The following WWP1 variants were observed in gnomAD, a reference collection of about 807,000 sequenced individuals.
WWP1 encodes NEDD4-like E3 ubiquitin-protein ligase WWP1.
WWP1 carries 49 observed loss-of-function variants against 130.6 expected under a neutral mutation model. That is an observed-to-expected ratio of 0.38 (90% CI 0.30 to 0.48). WWP1 has a LOEUF of 0.48. Among genes scored for constraint, WWP1 ranks in the 20% least tolerant of loss-of-function variants. The pLI, the probability that WWP1 is intolerant of heterozygous loss-of-function variation, is 0.99. For missense variants in WWP1, 809 were observed against 1,100.6 expected, an observed-to-expected ratio of 0.74 and a Z score of 3.75; for synonymous variants, 332 against 367.8, an observed-to-expected ratio of 0.90 and a Z score of 1.11.
intron 3 of WWP1, among the ~76,000 whole-genome samples, chr8:86,376,456 C>T (rs1824659721): frequency 6.6e-6 from 1 of 152,054 alleles, no homozygotes; most frequent in African/African-American, 2.4e-5. Flanking sequence ...GTAATCCCAG[C>T]TACTTGGGAG....
At chr8:86,442,558 A>G in intron 17 of WWP1, 61 bp from the exon 18 acceptor site, 1 of 1,430,942 alleles carries the variant, frequency 7.0e-7, no homozygotes, top group Non-Finnish European at 9.4e-7. Context: ...AATATATTTA[A>G]GATCTGTTTT....
At chr8:86,432,500 T>C (rs556426121) in intron 14 of WWP1, among the ~76,000 whole-genome samples, 1 of 149,352 alleles carries the variant, frequency 6.7e-6, no homozygotes, top group South Asian at 2.1e-4. Flanking sequence ...TTTATTTCTC[T>C]ACAAAATTAT....
intron 1 of WWP1, among the ~76,000 whole-genome samples, chr8:86,346,413 ACT>A (rs1423302319): frequency 2.6e-5 from 4 of 151,944 alleles, no homozygotes; most frequent in Admixed American, 6.6e-5. Flanking sequence ...ACAGAGCGAG[ACT>A]CTGTCTCAAA....
intron 10 of WWP1, among the ~76,000 whole-genome samples, chr8:86,427,249 A>G (rs925948965): frequency 6.6e-6 from 1 of 152,062 alleles, no homozygotes; most frequent in South Asian, 2.1e-4. Flanking sequence ...GTCTTTAGAA[A>G]TTATATTAGG....
At chr8:86,451,214 T>TAAAAAAAAAAAAAAAAAAAAAAAA (rs61141803) in intron 20 of WWP1, among the ~76,000 whole-genome samples, 1 of 43,680 alleles carries the variant, frequency 2.3e-5, no homozygotes, top group Non-Finnish European at 4.2e-5. Flanking sequence ...CCTATGTTAT[T>TAAAAAAAAAAAAAAAAAAAAAAAA]AAAAAAAAAA....
At chr8:86,454,027 G>A (rs987413611) in intron 21 of WWP1, among the ~76,000 whole-genome samples, 1 of 152,030 alleles carries the variant, frequency 6.6e-6, no homozygotes, top group Non-Finnish European at 1.5e-5. Context: ...TTCCTATGTA[G>A]GATTTAGCCT....
In WWP1 at chr8:86,466,950, T is replaced by C; in HGVS notation, c.*57T>C. 2 of 1,321,128 alleles carry C rather than the reference T, an allele frequency of 1.5e-6. No homozygotes were observed. The highest frequency in any genetic ancestry group is 1.8e-5 in the Admixed American group (1 of 54,146). The allele number at this position is 1,321,128 out of a possible 1,614,324, so 81.8% of individuals were successfully genotyped here. On this transcript the variant is annotated 3_prime_UTR_variant, in exon 25 of 25. Transcript: ENST00000517970. Reference sequence around the variant, plus strand: ...ATTTAAATACCCCAGCCAAGAAAAATTGCACAGATAGTGTATATAAGCTGT... The same window carrying C: ...ATTTAAATACCCCAGCCAAGAAAAACTGCACAGATAGTGTATATAAGCTGT...
intron 10 of WWP1, among the ~76,000 whole-genome samples, chr8:86,426,218 GTCAT>G (rs1563521979): frequency 6.6e-6 from 1 of 152,188 alleles, no homozygotes; most frequent in Non-Finnish European, 1.5e-5. Context: ...TCAAGTTATA[GTCAT>G]TCATTTAGTC....
At chr8:86,372,017 ATTTTTT>A (rs34458424) in intron 2 of WWP1, among the ~76,000 whole-genome samples, 6 of 70,214 alleles carry the variant, frequency 8.5e-5, no homozygotes, top group Admixed American at 1.9e-4. Context: ...TAATTTTTGT[ATTTTTT>A]TTTTTTTTTT....
chr8:86,440,689 T>C (rs1810545422), intron 17 of WWP1: 1 of 455,606 alleles, frequency 2.2e-6, no homozygotes, highest in South Asian at 1.6e-5. Context: ...TGAATATTTT[T>C]TCTGTTCCAT....
rs1465986204 is a variant in WWP1 at position 86,373,928 on chromosome 8, C to T, written c.-21-102C>T. The T allele has an allele frequency of 2.3e-5, 19 of 819,692 alleles. No individual in the cohort carries two copies. The East Asian group carries it at 4.2e-4, about 18-fold the overall frequency. The allele number at this position is 819,692 out of a possible 1,614,324, so 50.8% of individuals were successfully genotyped here. A position where few individuals can be genotyped will look rare whatever the true frequency, so the allele number is the denominator to read the frequency against. On this transcript the variant is annotated intron_variant, in intron 2 of 24. Transcript: ENST00000517970. ...TAATAGGCTTGATAATTTTCATGTA[C>T]TTTTTGAGAACTTCTTAGTTGATTT... is the stretch of plus-strand genomic sequence containing the variant.
chr8:86,372,767 A>AT (rs1018506057), intron 2 of WWP1, among the ~76,000 whole-genome samples: 2 of 150,520 alleles, frequency 1.3e-5, no homozygotes, highest in Non-Finnish European at 3.0e-5. Flanking sequence ...ATTTTGTTTC[A>AT]TTTTTTTCCC....
Position 86,360,736 on chromosome 8 carries a change from C to T in WWP1, c.-114-8203C>T, listed in dbSNP as rs1586255838. On this transcript the variant is annotated intron_variant, in intron 1 of 24. Transcript: ENST00000517970. Reference sequence around the variant, plus strand: ...TAGTCTCTGTCCTCAGGGATCTTACCTTGCAGAGTTGGGGGTATGGATAGA... The same window carrying T: ...TAGTCTCTGTCCTCAGGGATCTTACTTTGCAGAGTTGGGGGTATGGATAGA... Among the ~76,000 whole-genome samples, 3 of 152,306 alleles carry T rather than the reference C, an allele frequency of 2.0e-5. No homozygotes were observed. In the Middle Eastern group the frequency reaches 0.01, roughly 518 times the overall value.
At chr8:86,358,828 G>T (rs1441591973) in intron 1 of WWP1, among the ~76,000 whole-genome samples, 2 of 151,982 alleles carry the variant, frequency 1.3e-5, no homozygotes, top group East Asian at 3.9e-4. Context: ...TTTAGTAGGG[G>T]CCAGACATTG....
chr8:86,343,073 C>G (rs1395177959), intron 1 of WWP1, 143 bp downstream of exon 1: 1 of 286,218 alleles, frequency 3.5e-6, no homozygotes, highest in African/African-American at 2.2e-5. Flanking sequence ...GGGGGACGGT[C>G]CGCCCTACCT....
At chr8:86,403,877 G>A (rs1808137842) in intron 8 of WWP1, among the ~76,000 whole-genome samples, 1 of 152,108 alleles carries the variant, frequency 6.6e-6, no homozygotes, top group Admixed American at 6.5e-5. Context: ...AATGAGCAAA[G>A]TTCATGTATT....
chr8:86,397,418 A>T (rs1313203541), intron 5 of WWP1, among the ~76,000 whole-genome samples: 1 of 68,270 alleles, frequency 1.5e-5, no homozygotes, highest in Non-Finnish European at 3.2e-5. Flanking sequence ...AACCAAACTT[A>T]TTAACATATC....
intron 12 of WWP1, 68 bp downstream of exon 12, chr8:86,430,819 A>C: frequency 1.9e-6 from 1 of 536,898 alleles, no homozygotes; most frequent in Non-Finnish European, 2.5e-6. Context: ...ATATATATAT[A>C]TATATATATA....
intron 24 of WWP1, among the ~76,000 whole-genome samples, chr8:86,463,521 G>C (rs928195509): frequency 2.0e-5 from 3 of 151,900 alleles, no homozygotes; most frequent in Admixed American, 2.0e-4. Flanking sequence ...GGTCAGGCTG[G>C]TCTCAAACTC....
Sources: allele counts gnomAD v4.1 joint callset (sites outside exome capture counted in the v4.1 genomes callset), GRCh38; gene constraint gnomAD v4.1.1; transcripts MANE v1.5; gene names NCBI Gene and HGNC (gene_info 2026-07-23, HGNC 2026-07-21).